RAP1A: variants seen among roughly 807,000 people sequenced by gnomAD.
RAP1A encodes RAP1A, member of RAS oncogene family.
RAP1A carries 6 observed loss-of-function variants against 26.4 expected under a neutral mutation model. That is an observed-to-expected ratio of 0.23 (90% CI 0.12 to 0.45). The LOEUF (loss-of-function observed/expected upper bound fraction) is 0.45, where lower values mean the gene tolerates loss of function less well. Among genes scored for constraint, RAP1A ranks in the 20% least tolerant of loss-of-function variants. The pLI, the probability that RAP1A is intolerant of heterozygous loss-of-function variation, is 0.99. For missense variants in RAP1A, 121 were observed against 217.2 expected, an observed-to-expected ratio of 0.56 and a Z score of 2.78; for synonymous variants, 73 against 79.4, an observed-to-expected ratio of 0.92 and a Z score of 0.43.
chr1:111,588,817 C>A (rs1658424627), intron 1 of RAP1A, among the ~76,000 whole-genome samples: 3 of 152,094 alleles, frequency 2.0e-5, no homozygotes. Context: ...CTAGAATATA[C>A]CCTCCATGAA....
At chr1:111,633,831 T>TA (rs1319398920) in intron 1 of RAP1A, among the ~76,000 whole-genome samples, 2 of 152,234 alleles carry the variant, frequency 1.3e-5, no homozygotes, top group Admixed American at 6.5e-5. Context: ...TTAGATGATA[T>TA]ACTCATCCTA....
In RAP1A at chr1:111,587,493, G is replaced by A. The variant is rs557356224; in HGVS notation, c.-28+44984G>A. Reference sequence around the variant, plus strand: ...CATCTGACCTCTGCCTACGCCTCAGGAAACTGTTACTCTATTCGTTATCCT... The same window carrying A: ...CATCTGACCTCTGCCTACGCCTCAGAAAACTGTTACTCTATTCGTTATCCT... On this transcript the variant is annotated intron_variant, in intron 1 of 7. Transcript: ENST00000356415. Among the ~76,000 whole-genome samples the A allele has an allele frequency of 2.6e-5, 4 of 152,098 alleles. No homozygotes were observed. The East Asian group carries it at 7.7e-4, about 29-fold the overall frequency.
chr1:111,695,870 A>C (rs188175855), intron 3 of RAP1A, among the ~76,000 whole-genome samples: 150 of 152,342 alleles, frequency 9.8e-4, no homozygotes, highest in Non-Finnish European at 1.5e-3. Context: ...CATTTGTCAA[A>C]ACCCATAGAA....
intron 1 of RAP1A, among the ~76,000 whole-genome samples, chr1:111,687,335 G>A (rs1321446666): frequency 6.6e-6 from 1 of 151,694 alleles, no homozygotes; most frequent in East Asian, 1.9e-4. Context: ...AGCCTCCCAA[G>A]TAGCTGGGAT....
In RAP1A at chr1:111,713,490, G is replaced by A. The variant is rs926172063; in HGVS notation, c.*1089G>A. 6.6e-6 allele frequency: 1 copy of A among 152,090 alleles called. No homozygotes were observed. The highest frequency in any genetic ancestry group is 1.5e-5 in the Non-Finnish European group (1 of 68,008). The allele number at this position is 152,090 out of a possible 1,614,324, so 9.4% of individuals were successfully genotyped here. On this transcript the variant is annotated 3_prime_UTR_variant, in exon 8 of 8. Coordinates refer to ENST00000369709, the MANE Select transcript of RAP1A (RefSeq NM_002884.4). ...CTTCCACAGCTTGTAATTTCATCAAGGGAATCCTTTTGCATTGTTAATTTG... is the reference window on the plus strand; with the variant it reads ...CTTCCACAGCTTGTAATTTCATCAAAGGAATCCTTTTGCATTGTTAATTTG...
chr1:111,663,116 GT>G (rs1277691840), intron 1 of RAP1A, among the ~76,000 whole-genome samples: 1 of 152,184 alleles, frequency 6.6e-6, no homozygotes, highest in Non-Finnish European at 1.5e-5. Context: ...GTTTCACCAT[GT>G]TGGCCAGGAT....
intron 1 of RAP1A, among the ~76,000 whole-genome samples, chr1:111,660,744 C>T (rs924667537): frequency 2.4e-4 from 36 of 152,180 alleles, no homozygotes; most frequent in African/African-American, 7.5e-4. Flanking sequence ...AAGTCCTTAC[C>T]GTGGCCTAAA....
intron 4 of RAP1A, among the ~76,000 whole-genome samples, chr1:111,700,315 A>G (rs1375728626): frequency 1.3e-5 from 2 of 152,226 alleles, no homozygotes; most frequent in Non-Finnish European, 2.9e-5. Context: ...CTATACAAGC[A>G]TAGCTCCAGC....
intron 1 of RAP1A, among the ~76,000 whole-genome samples, chr1:111,574,740 A>C (rs868832719): frequency 6.6e-6 from 1 of 152,260 alleles, no homozygotes. Context: ...TGAGTCAGTA[A>C]CTGTAGTAAA....
At chr1:111,652,698 T>C (rs983385435) in intron 1 of RAP1A, among the ~76,000 whole-genome samples, 1 of 151,936 alleles carries the variant, frequency 6.6e-6, no homozygotes, top group Non-Finnish European at 1.5e-5. Context: ...GGCTGTAATT[T>C]AGGGGAAAAA....
chr1:111,558,559 G>A (rs1657606050), intron 1 of RAP1A, among the ~76,000 whole-genome samples: 1 of 152,160 alleles, frequency 6.6e-6, no homozygotes, highest in African/African-American at 2.4e-5. Context: ...AGAACAAAGA[G>A]ACAAAGAAAG....
chr1:111,621,748 C>T (rs560515713), intron 1 of RAP1A, among the ~76,000 whole-genome samples: 6 of 152,286 alleles, frequency 3.9e-5, no homozygotes, highest in East Asian at 1.9e-4. Context: ...GGCATTTATT[C>T]ACAAAATTTT....
intron 1 of RAP1A, among the ~76,000 whole-genome samples, chr1:111,612,026 T>A (rs2101080432): frequency 6.6e-6 from 1 of 152,214 alleles, no homozygotes; most frequent in South Asian, 2.1e-4. Context: ...TTTTTTTTTT[T>A]TTTACAGAAT....
chr1:111,620,319 C>T (rs2101087831), intron 1 of RAP1A, among the ~76,000 whole-genome samples: 1 of 152,348 alleles, frequency 6.6e-6, no homozygotes, highest in Middle Eastern at 3.4e-3. Flanking sequence ...ACGGTGCCCT[C>T]GTACCTCACT....
chr1:111,677,884 G>C (rs143535926), intron 1 of RAP1A, among the ~76,000 whole-genome samples: 25 of 152,332 alleles, frequency 1.6e-4, no homozygotes, highest in Non-Finnish European at 3.1e-4. Context: ...AATACAAGGA[G>C]ACCAGGATCA....
chr1:111,565,305 C>T (rs1355826458), intron 1 of RAP1A, among the ~76,000 whole-genome samples: 7 of 152,162 alleles, frequency 4.6e-5, no homozygotes, highest in Non-Finnish European at 8.8e-5. Flanking sequence ...TGTTGTTTTT[C>T]AGGCATTCAA....
chr1:111,558,150 C>T (rs1490845281), intron 1 of RAP1A, among the ~76,000 whole-genome samples: 3 of 152,004 alleles, frequency 2.0e-5, no homozygotes, highest in African/African-American at 7.2e-5. Flanking sequence ...AGACCAAACT[C>T]TTTGGGTTAA....
intron 1 of RAP1A, among the ~76,000 whole-genome samples, chr1:111,568,624 T>C (rs1172880961): frequency 6.6e-6 from 1 of 152,148 alleles, no homozygotes; most frequent in Non-Finnish European, 1.5e-5. Flanking sequence ...ATTAGGGAGG[T>C]AGCCTAATAA....
chr1:111,563,951 A>G (rs1372127324), intron 1 of RAP1A: 4 of 1,612,820 alleles, frequency 2.5e-6, no homozygotes, highest in Non-Finnish European at 3.4e-6. Flanking sequence ...AGACCCTTCC[A>G]TTGGTCCAAC....
Sources: gnomAD v4.1 joint callset for allele counts (sites outside exome capture counted in the v4.1 genomes callset) on GRCh38, gnomAD v4.1.1 for gene constraint, MANE v1.5 for transcripts, NCBI Gene and HGNC (gene_info 2026-07-23, HGNC 2026-07-21) for gene names.